CDKAL1: variants seen among roughly 807,000 people sequenced by gnomAD.
CDKAL1 encodes the protein threonylcarbamoyladenosine tRNA methylthiotransferase.
A neutral mutation model predicts 68.2 loss-of-function variants in CDKAL1; 32 were observed. The observed-to-expected ratio is 0.47, with a 90% CI of 0.35 to 0.63. The LOEUF (loss-of-function observed/expected upper bound fraction) is 0.63, where lower values mean the gene tolerates loss of function less well. CDKAL1 is among the 30% of genes least tolerant of loss of function. CDKAL1 has a pLI of 0.00. For missense variants in CDKAL1, 606 were observed against 696.7 expected, an observed-to-expected ratio of 0.87 and a Z score of 1.47; for synonymous variants, 234 against 244.3, an observed-to-expected ratio of 0.96 and a Z score of 0.39.
At chr6:20,699,079 A>G (rs1030068170) in intron 5 of CDKAL1, among the ~76,000 whole-genome samples, 2 of 152,018 alleles carry the variant, frequency 1.3e-5, no homozygotes, top group Non-Finnish European at 2.9e-5. Flanking sequence ...CTGTTTCTAT[A>G]TATTTTTCTT....
In CDKAL1 at chr6:21,153,557, G is replaced by T. The variant is rs182042652; in HGVS notation, c.1300-44464G>T. Among the ~76,000 whole-genome samples the T allele has an allele frequency of 5.9e-5, 9 of 152,148 alleles. No homozygotes were observed. The South Asian group carries it at 6.2e-4, about 11-fold the overall frequency. On this transcript the variant is annotated intron_variant, in intron 13 of 15. Coordinates refer to ENST00000274695, the MANE Select transcript of CDKAL1 (RefSeq NM_017774.3). ...TAGCAACAGGATTCCTCTTAGGAAA[G>T]GAGCTGGCTTTGCTTAGGAAACTAT...
At chr6:21,171,910 A>G (rs747746272) in intron 13 of CDKAL1, among the ~76,000 whole-genome samples, 2 of 152,112 alleles carry the variant, frequency 1.3e-5, no homozygotes, top group Non-Finnish European at 2.9e-5. Context: ...TTTTGCTTAT[A>G]TTTCATCCAG....
chr6:20,700,469 A>G (rs948761457), intron 5 of CDKAL1, among the ~76,000 whole-genome samples: 8 of 152,236 alleles, frequency 5.3e-5, no homozygotes, highest in Admixed American at 2.0e-4. Flanking sequence ...CTATAAACCT[A>G]GAGAAACAAG....
intron 5 of CDKAL1, among the ~76,000 whole-genome samples, chr6:20,729,306 T>TG (rs1772798058): frequency 6.6e-6 from 1 of 152,232 alleles, no homozygotes; most frequent in Non-Finnish European, 1.5e-5. Context: ...CCACAGCTGC[T>TG]GGGGAACTCT....
chr6:20,595,396 G>T (rs9350263), intron 4 of CDKAL1, among the ~76,000 whole-genome samples: 2 of 151,856 alleles, frequency 1.3e-5, no homozygotes, highest in Admixed American at 1.3e-4. Flanking sequence ...TCTAATAATG[G>T]GTTATTTCAT....
intron 9 of CDKAL1, among the ~76,000 whole-genome samples, chr6:20,857,540 G>A (rs1380100043): frequency 6.6e-6 from 1 of 152,186 alleles, no homozygotes; most frequent in African/African-American, 2.4e-5. Context: ...GGCACTTATT[G>A]AGGTATATGT....
chr6:21,051,242 G>A (rs182909759), intron 11 of CDKAL1, among the ~76,000 whole-genome samples: 40 of 152,080 alleles, frequency 2.6e-4, no homozygotes, highest in South Asian at 4.2e-4. Context: ...CTGTAATCTC[G>A]GCTACTTTGT....
At chr6:21,104,690 A>C (rs991412819) in intron 12 of CDKAL1, among the ~76,000 whole-genome samples, 2 of 152,216 alleles carry the variant, frequency 1.3e-5, no homozygotes, top group African/African-American at 4.8e-5. Context: ...CAATATGCCA[A>C]GACTTCACAG....
intron 8 of CDKAL1, among the ~76,000 whole-genome samples, chr6:20,835,831 T>C (rs79304656): frequency 0.066 from 10,113 of 152,228 alleles, 379 homozygotes; most frequent in Middle Eastern, 0.082. Context: ...ATTATAGGCA[T>C]GAGTCACTGC....
chr6:21,057,053 G>A (rs572196729), intron 11 of CDKAL1, among the ~76,000 whole-genome samples: 26 of 152,294 alleles, frequency 1.7e-4, no homozygotes, highest in African/African-American at 6.0e-4. Flanking sequence ...AGTTAGGGAG[G>A]AGTCCCTCCT....
At chr6:21,172,719 G>A (rs769817042) in intron 13 of CDKAL1, among the ~76,000 whole-genome samples, 1 of 152,056 alleles carries the variant, frequency 6.6e-6, no homozygotes, top group Non-Finnish European at 1.5e-5. Flanking sequence ...TCATACCACT[G>A]CAATCCAGCC....
intron 4 of CDKAL1, among the ~76,000 whole-genome samples, chr6:20,630,246 G>C (rs1321577332): frequency 6.6e-6 from 1 of 152,042 alleles, no homozygotes; most frequent in Non-Finnish European, 1.5e-5. Flanking sequence ...CTCTGGCATT[G>C]ATAGCCCATA....
chr6:20,692,283 G>A (rs12200791), intron 5 of CDKAL1, among the ~76,000 whole-genome samples: 2 of 152,158 alleles, frequency 1.3e-5, no homozygotes, highest in East Asian at 3.9e-4. Context: ...ATGATTGGTA[G>A]AGAAGTGTTC....
At chr6:20,922,824 C>G (rs191463912) in intron 9 of CDKAL1, among the ~76,000 whole-genome samples, 10 of 152,196 alleles carry the variant, frequency 6.6e-5, no homozygotes, top group Admixed American at 5.2e-4. Context: ...ACAGAAATTT[C>G]CATAATTTAC....
At chr6:20,872,136 TAACC>T (rs976509938) in intron 9 of CDKAL1, among the ~76,000 whole-genome samples, 2 of 152,162 alleles carry the variant, frequency 1.3e-5, no homozygotes, top group Non-Finnish European at 2.9e-5. Context: ...TTTAAAAACA[TAACC>T]AACAACTTGT....
chr6:20,915,420 A>G lies in CDKAL1; in HGVS notation c.743-39999A>G, dbSNP rs1271219998. Among the ~76,000 whole-genome samples, 4 of 152,206 alleles carry G rather than the reference A, an allele frequency of 2.6e-5. No homozygotes were observed. In the East Asian group the frequency reaches 7.7e-4, roughly 29 times the overall value. The stretch of plus-strand genomic sequence containing the variant: ...AAATTTCACCAGGAGTCATTGTTGC[A>G]GTCTTGAGTTTGAAGGCAGAATTCC... On this transcript the variant is annotated intron_variant, in intron 9 of 15. Transcript: ENST00000274695.
chr6:20,777,209 C>T (rs1033004584), intron 7 of CDKAL1, among the ~76,000 whole-genome samples: 5 of 152,140 alleles, frequency 3.3e-5, no homozygotes, highest in African/African-American at 1.2e-4. Flanking sequence ...GAAAGTTTGT[C>T]AGGCAGAAAA....
intron 9 of CDKAL1, among the ~76,000 whole-genome samples, chr6:20,889,254 G>A (rs1292639760): frequency 2.0e-5 from 3 of 151,786 alleles, no homozygotes; most frequent in Admixed American, 2.0e-4. Context: ...TGAGTTCATT[G>A]TAGATTCTGG....
chr6:21,201,365 A>G (rs1328662578), intron 15 of CDKAL1, 91 bp downstream of exon 15: 12 of 1,154,764 alleles, frequency 1.0e-5, no homozygotes, highest in South Asian at 1.7e-5. Context: ...GTTATCATTT[A>G]TAGTTCCCTT....
Sources: gnomAD v4.1 joint callset for allele counts (sites outside exome capture counted in the v4.1 genomes callset) on GRCh38, gnomAD v4.1.1 for gene constraint, MANE v1.5 for transcripts, NCBI Gene and HGNC (gene_info 2026-07-23, HGNC 2026-07-21) for gene names.